PCDHGA8: variants seen among roughly 807,000 people sequenced by gnomAD.
PCDHGA8 encodes the protein protocadherin gamma-A8.
Under a neutral mutation model 59.2 loss-of-function variants are expected in PCDHGA8, and 45 were observed. The observed-to-expected ratio is 0.76, with a 90% CI of 0.60 to 0.98. PCDHGA8 has a LOEUF of 0.98. PCDHGA8 is among the 50% of genes least tolerant of loss of function. The pLI, the probability that PCDHGA8 is intolerant of heterozygous loss-of-function variation, is 0.00. For missense variants in PCDHGA8, 1,257 were observed against 1,196.2 expected, an observed-to-expected ratio of 1.05 and a Z score of -0.75; for synonymous variants, 531 against 519.0, an observed-to-expected ratio of 1.02 and a Z score of -0.32.
At chr5:141,453,029 A>G (rs1014709934) in intron 1 of PCDHGA8, among the ~76,000 whole-genome samples, 1 of 152,206 alleles carries the variant, frequency 6.6e-6, no homozygotes, top group Non-Finnish European at 1.5e-5. Context: ...TCATTAAAAT[A>G]AAGTTTGTTT....
chr5:141,394,885 T>C lies in PCDHGA8; in HGVS notation c.2072T>C (p.Leu691Pro), dbSNP rs769027830. Residue 691 changes from leucine (L) to proline (P), a missense_variant, in exon 1 of 4, where the codon CTC becomes CCC. Leu to Pro is a moderately conservative substitution (Grantham distance 98). Transcript: ENST00000398604. ...SVDPNDSSLT[L>P]YLVVAVAAIS... is the part of the protein sequence containing the mutation. ...GACCCGAACGATTCGAGCCTTACAC[T>C]CTATCTCGTGGTGGCAGTGGCTGCC... The C allele has an allele frequency of 6.2e-7, 1 of 1,613,758 alleles. No homozygotes were observed.
rs751276470 is a variant in PCDHGA8, at chr5:141,431,560, C to A, written c.2424+36323C>A. 6.2e-7 allele frequency: 1 copy of A among 1,614,104 alleles called. No individual in the cohort carries two copies. On this transcript the variant is annotated intron_variant, in intron 1 of 3. Coordinates refer to ENST00000398604, the MANE Select transcript of PCDHGA8 (RefSeq NM_032088.2). This position sits in a 1 kb window ranked among gnomAD's most constrained non-coding sequence, Gnocchi z 4.8. ...CGCAGCTGCTTGTAGTCAACGCTAC[C>A]GACCCTGACGAAGGAGTCAATGCGG...
At chr5:141,421,407 G>T in intron 1 of PCDHGA8, 1 of 1,614,076 alleles carries the variant, frequency 6.2e-7, no homozygotes. Flanking sequence ...CCCGGGAGCT[G>T]GCGAAGCGCG....
rs781229038 is a variant in PCDHGA8, at chr5:141,489,990, A to C, written c.2425-4817A>C. 1.2e-4 allele frequency: 194 copies of C among 1,614,138 alleles called. No individual in the cohort carries two copies. Among genetic ancestry groups the C allele is most frequent in the Non-Finnish European group, 1.6e-4 (188 of 1,180,038 alleles). Reference sequence around the variant, plus strand: ...TCCAATCCTCAGTTCTACGTGTGGGAATCCCAGAGAATGCACCCATTGGTA... The same window carrying C: ...TCCAATCCTCAGTTCTACGTGTGGGCATCCCAGAGAATGCACCCATTGGTA... On this transcript the variant is annotated intron_variant, in intron 1 of 3. Transcript: ENST00000398604. The surrounding 1 kb of genome is among the most constrained non-coding windows in gnomAD (Gnocchi z 4.5).
Position 141,393,962 on chromosome 5 carries a change from CTG to C in PCDHGA8, c.1151_1152del (p.Cys384LeufsTer4). On this transcript the variant is annotated frameshift_variant, in exon 1 of 4. Transcript: ENST00000398604. LOFTEE classifies it high-confidence loss of function. ...QDSGKNGQVVCYTRDNLPFKL... is the reference protein window; with the variant it reads ...QDSGKNGQVVXYTRDNLPFKL... ...ACTCTGGAAAGAATGGTCAAGTTGTCTGTTACACACGTGATAATTTACCTTTT... is the reference window on the plus strand; with the variant it reads ...ACTCTGGAAAGAATGGTCAAGTTGTCTTACACACGTGATAATTTACCTTTT... The C allele has an allele frequency of 6.2e-7, 1 of 1,613,894 alleles. No individual in the cohort carries two copies. The highest frequency in any genetic ancestry group is 8.5e-7 in the Non-Finnish European group (1 of 1,179,864).
chr5:141,408,021 A>C (rs2095027284), intron 1 of PCDHGA8: 1 of 1,036,444 alleles, frequency 9.6e-7, no homozygotes, highest in Non-Finnish European at 1.3e-6. Context: ...AGCCAACAAC[A>C]GAAAGAAGAA....
intron 1 of PCDHGA8, chr5:141,422,603 C>G: frequency 6.2e-7 from 1 of 1,614,078 alleles, no homozygotes; most frequent in Non-Finnish European, 8.5e-7. Context: ...TCCTCTTACT[C>G]TGCCTACATT....
At chr5:141,421,603 G>T (rs1207844782) in intron 1 of PCDHGA8, 4 of 1,613,758 alleles carry the variant, frequency 2.5e-6, no homozygotes, top group Non-Finnish European at 3.4e-6. Context: ...GGAAATAATA[G>T]ATATTAATGA....
intron 1 of PCDHGA8, chr5:141,414,963 G>T (rs2095808106): frequency 1.1e-5 from 17 of 1,614,006 alleles, no homozygotes; most frequent in Non-Finnish European, 1.4e-5. Context: ...CCAAGGTGGT[G>T]GCGGTGGACA....
rs374191427 is a variant in PCDHGA8 at position 141,419,804 on chromosome 5, G to A, written c.2424+24567G>A. ...GCGCCTGCTAGTCGCTGTAAGAGAT[G>A]GAGGACAGCCACCCCTTTCAGCCAC... On this transcript the variant is annotated intron_variant, in intron 1 of 3. Coordinates refer to ENST00000398604, the MANE Select transcript of PCDHGA8 (RefSeq NM_032088.2). The A allele has an allele frequency of 2.8e-5, 45 of 1,613,946 alleles. No homozygotes were observed. The highest frequency in any genetic ancestry group is 1.6e-4 in the Middle Eastern group (1 of 6,082).
At chr5:141,415,793 T>C in intron 1 of PCDHGA8, 1 of 1,373,160 alleles carries the variant, frequency 7.3e-7, no homozygotes, top group Non-Finnish European at 9.4e-7. Context: ...AAAATTCACC[T>C]AGTCTCAATC....
At chr5:141,461,456 T>C (rs12186717) in intron 1 of PCDHGA8, among the ~76,000 whole-genome samples, 42,391 of 152,030 alleles carry the variant, frequency 0.28, 6,631 homozygotes, top group African/African-American at 0.43. Context: ...AATGGCTATT[T>C]GTGTCCTTTG....
At position 141,403,340 on chromosome 5, in the gene PCDHGA8, G is replaced by GC. The variant is rs1435471755; in HGVS notation, c.2424+8107dup. The GC allele has an allele frequency of 5.6e-6, 9 of 1,613,982 alleles. No homozygotes were observed. In the South Asian group the frequency reaches 9.9e-5, roughly 18 times the overall value. ...AGAAGTAACTGATATTAACGACAGCGCCCCAAAGTTCCAGGCCGAAAGTCT... is the reference window on the plus strand; with the variant it reads ...AGAAGTAACTGATATTAACGACAGCGCCCCCAAAGTTCCAGGCCGAAAGTCT... On this transcript the variant is annotated intron_variant, in intron 1 of 3. Transcript: ENST00000398604.
intron 1 of PCDHGA8, chr5:141,409,960 C>G: frequency 6.2e-7 from 1 of 1,613,416 alleles, no homozygotes; most frequent in Non-Finnish European, 8.5e-7. Flanking sequence ...AGCCCGGCTA[C>G]CTAGTGACTA....
intron 1 of PCDHGA8, chr5:141,413,324 G>A: frequency 6.2e-7 from 1 of 1,613,968 alleles, no homozygotes; most frequent in South Asian, 1.1e-5. Context: ...TCTTTCGTGG[G>A]CAACATCTCC....
intron 1 of PCDHGA8, chr5:141,422,335 C>T (rs1196951059): frequency 6.5e-7 from 1 of 1,549,804 alleles, no homozygotes; most frequent in Non-Finnish European, 8.7e-7. Flanking sequence ...GATTGCTCTT[C>T]TAAATGTGCA....
intron 1 of PCDHGA8, among the ~76,000 whole-genome samples, chr5:141,483,124 G>A (rs1468216170): frequency 6.6e-6 from 1 of 152,154 alleles, no homozygotes; most frequent in East Asian, 1.9e-4. Flanking sequence ...GTCTTTGTAG[G>A]AGATGAGGTG....
At chr5:141,457,318 C>T (rs990268003) in intron 1 of PCDHGA8, among the ~76,000 whole-genome samples, 3 of 152,238 alleles carry the variant, frequency 2.0e-5, no homozygotes, top group South Asian at 2.1e-4. Context: ...AAGAAACCTC[C>T]GGGTTACAGG....
chr5:141,404,468 T>G, intron 1 of PCDHGA8: 2 of 1,613,514 alleles, frequency 1.2e-6, no homozygotes, highest in Non-Finnish European at 8.5e-7. Context: ...CACCTATGTC[T>G]CTATTAACTC....
Sources: gnomAD v4.1 joint callset for allele counts (sites outside exome capture counted in the v4.1 genomes callset) on GRCh38, gnomAD v4.1.1 for gene constraint, Gnocchi (gnomAD v3.1) non-coding constraint, MANE v1.5 for transcripts, NCBI Gene and HGNC (gene_info 2026-07-23, HGNC 2026-07-21) for gene names.